Variants in CACNA1C observed in about 807,000 individuals in gnomAD.
CACNA1C encodes the protein calcium voltage-gated channel subunit alpha1 C.
In CACNA1C, 30 loss-of-function variants were observed where a neutral mutation model predicts 229.0. The ratio of observed to expected loss-of-function variants is 0.13; its 90% CI spans 0.10 to 0.18. The LOEUF (loss-of-function observed/expected upper bound fraction) is 0.18, where lower values mean the gene tolerates loss of function less well. Ranked by LOEUF, CACNA1C falls within the 10% of genes least tolerant of loss-of-function variation. The probability of loss-of-function intolerance (pLI) is 1.00; values close to 1 mark genes in which losing one functional copy is unlikely to be tolerated. For synonymous variants in CACNA1C, 1,114 were observed against 1,132.5 expected (o/e 0.98, Z 0.33); for missense variants, 1,658 against 2,845.0 (o/e 0.58, Z 9.49).
Position 2,248,103 on chromosome 12 carries a change from C to G in CACNA1C, c.477+127673C>G, listed in dbSNP as rs368722499. On this transcript the variant is annotated intron_variant, in intron 3 of 46. Coordinates refer to ENST00000399655, the MANE Select transcript of CACNA1C (RefSeq NM_000719.7). The stretch of plus-strand genomic sequence containing the variant: ...GTGTTCATTGGAGAAACAGTAACAC[C>G]ACACACAACTTAGCTAACCTAGGAA... Among the ~76,000 whole-genome samples the G allele has an allele frequency of 5.9e-5, 9 of 152,228 alleles. No homozygotes were observed. The South Asian group carries it at 1.5e-3, about 25-fold the overall frequency.
chr12:2,051,765 G>T (rs369597261), upstream of CACNA1C, among the ~76,000 whole-genome samples: 7 of 152,240 alleles, frequency 4.6e-5, no homozygotes, highest in East Asian at 1.9e-4. Flanking sequence ...GTGTGAGGAG[G>T]AGCAGGCTTT....
rs2099766627 is a variant in CACNA1C, at chr12:2,504,175, A to G, written c.1114-667A>G. On this transcript the variant is annotated intron_variant, in intron 7 of 46. Transcript: ENST00000399655. This position sits in a 1 kb window ranked among gnomAD's most constrained non-coding sequence, Gnocchi z 6.8. ...GACAAGTGAATAGAAAACATTGGAGAAATGTTTCTTTTTCAGAAAATAAAA... is the reference window on the plus strand; with the variant it reads ...GACAAGTGAATAGAAAACATTGGAGGAATGTTTCTTTTTCAGAAAATAAAA... 6.6e-6 allele frequency among the ~76,000 whole-genome samples: 1 copy of G among 152,218 alleles called. No homozygotes were observed. The highest frequency in any genetic ancestry group is 2.1e-4 in the South Asian group (1 of 4,826).
Position 2,646,224 on chromosome 12 carries a change from A to G in CACNA1C, c.3913-2251A>G, listed in dbSNP as rs930482255. ...TTAAGACAAATGTTTAAAAATCCCA[A>G]ATGAAGGATTCTGAATGTTTAAGAA... On this transcript the variant is annotated intron_variant, in intron 30 of 46. Transcript: ENST00000399655. The surrounding 1 kb of genome is among the most constrained non-coding windows in gnomAD (Gnocchi z 4.6). Among the ~76,000 whole-genome samples the G allele has an allele frequency of 6.6e-6, 1 of 152,192 alleles. No homozygotes were observed. The highest frequency in any genetic ancestry group is 1.5e-5 in the Non-Finnish European group (1 of 68,034).
chr12:2,471,226 A>T (rs749943546), intron 5 of CACNA1C, among the ~76,000 whole-genome samples: 3 of 152,222 alleles, frequency 2.0e-5, no homozygotes, highest in African/African-American at 4.8e-5. Context: ...ATAACCTTAA[A>T]ATCATAGAAT....
intron 6 of CACNA1C, among the ~76,000 whole-genome samples, chr12:2,491,098 C>G (rs2099725630): frequency 6.6e-6 from 1 of 152,136 alleles, no homozygotes; most frequent in South Asian, 2.1e-4. Context: ...AAACTCAAAA[C>G]ATTATGCTAA....
At chr12:2,072,206 A>G (rs1295310285) in intron 1 of CACNA1C, among the ~76,000 whole-genome samples, 1 of 151,292 alleles carries the variant, frequency 6.6e-6, no homozygotes, top group Non-Finnish European at 1.5e-5. Flanking sequence ...CAAAAAATAT[A>G]TATATATTTG....
intron 3 of CACNA1C, among the ~76,000 whole-genome samples, chr12:2,381,747 C>T (rs2098254058): frequency 6.6e-6 from 1 of 152,248 alleles, no homozygotes; most frequent in African/African-American, 2.4e-5. Context: ...CCATCTCTAG[C>T]TTTCACTCAG....
intron 3 of CACNA1C, among the ~76,000 whole-genome samples, chr12:2,234,180 G>T (rs1252514573): frequency 3.3e-5 from 5 of 152,110 alleles, no homozygotes; most frequent in Non-Finnish European, 5.9e-5. Flanking sequence ...AGTGTCCCGT[G>T]TCTCCTTTTC....
chr12:2,498,635 G>A (rs1040755907), intron 7 of CACNA1C, among the ~76,000 whole-genome samples: 1 of 152,250 alleles, frequency 6.6e-6, no homozygotes, highest in African/African-American at 2.4e-5. Flanking sequence ...TGCAGGACAT[G>A]CGGAGGAACA....
intron 6 of CACNA1C, among the ~76,000 whole-genome samples, chr12:2,487,174 G>A (rs1015984769): frequency 6.6e-6 from 1 of 151,966 alleles, no homozygotes; most frequent in African/African-American, 2.4e-5. Context: ...AAAGGGGCTA[G>A]CTGTGTTAAA....
At chr12:2,421,912 C>CA (rs35245455) in intron 3 of CACNA1C, among the ~76,000 whole-genome samples, 57 of 143,356 alleles carry the variant, frequency 4.0e-4, no homozygotes, top group South Asian at 2.2e-3. Context: ...TCTGTCTCAA[C>CA]AAAAAAAAAA....
chr12:2,513,977 T>G (rs909983560), intron 9 of CACNA1C, among the ~76,000 whole-genome samples: 1 of 152,254 alleles, frequency 6.6e-6, no homozygotes, highest in Non-Finnish European at 1.5e-5. Flanking sequence ...TTTTTCTGTG[T>G]GTGATATCTT....
chr12:2,471,104 T>G (rs2099589603), intron 5 of CACNA1C, among the ~76,000 whole-genome samples: 1 of 152,190 alleles, frequency 6.6e-6, no homozygotes, highest in African/African-American at 2.4e-5. Flanking sequence ...AATGCTAGGA[T>G]TACAGTTGTG....
At chr12:2,028,653 T>C (rs1390779195) in intron 1 of CACNA1C, among the ~76,000 whole-genome samples, 1 of 152,202 alleles carries the variant, frequency 6.6e-6, no homozygotes, top group Non-Finnish European at 1.5e-5. Flanking sequence ...GCACGTAGAC[T>C]CTGGACCTAG....
intron 37 of CACNA1C, among the ~76,000 whole-genome samples, chr12:2,667,331 G>GTGGCCACTCCACGCTCCTT (rs2096254701): frequency 1.0e-5 from 1 of 97,552 alleles, no homozygotes; most frequent in African/African-American, 8.2e-5. Context: ...CGTGCTCCTT[G>GTGGCCACTCCACGCTCCTT]TTGGGGCAAT....
chr12:2,081,535 C>T (rs1595346945), intron 1 of CACNA1C, among the ~76,000 whole-genome samples: 1 of 151,428 alleles, frequency 6.6e-6, no homozygotes, highest in African/African-American at 2.4e-5. Flanking sequence ...CGCGCCACTG[C>T]ACTCCAGCCT....
At chr12:2,530,930 G>A (rs201820093) in intron 9 of CACNA1C, among the ~76,000 whole-genome samples, 2 of 152,230 alleles carry the variant, frequency 1.3e-5, no homozygotes, top group Non-Finnish European at 2.9e-5. Flanking sequence ...TAAGAGTACC[G>A]CCTCCAGGCG....
intron 3 of CACNA1C, among the ~76,000 whole-genome samples, chr12:2,404,714 GC>G: frequency 6.6e-6 from 1 of 152,276 alleles, no homozygotes. Context: ...TGTCTCGTCA[GC>G]TTCTGGGGGT....
intron 6 of CACNA1C, among the ~76,000 whole-genome samples, chr12:2,490,233 T>A (rs1421443916): frequency 6.6e-6 from 1 of 152,270 alleles, no homozygotes; most frequent in Non-Finnish European, 1.5e-5. Context: ...GATGCCATTT[T>A]CTTTTTCGCA....
Sources: gnomAD v4.1 joint callset for allele counts (sites outside exome capture counted in the v4.1 genomes callset) on GRCh38, gnomAD v4.1.1 for gene constraint, Gnocchi (gnomAD v3.1) non-coding constraint, MANE v1.5 for transcripts, NCBI Gene and HGNC (gene_info 2026-07-23, HGNC 2026-07-21) for gene names.